EYS: variants seen among roughly 807,000 people sequenced by gnomAD.
EYS encodes protein eyes shut homolog.
EYS carries 250 observed loss-of-function variants against 282.1 expected under a neutral mutation model. The observed-to-expected ratio is 0.89, with a 90% CI of 0.80 to 0.98. The LOEUF is 0.98. Ranked by LOEUF, EYS falls within the 50% of genes least tolerant of loss-of-function variation. The pLI is 0.00. For missense variants in EYS, 4,016 were observed against 3,709.0 expected, an observed-to-expected ratio of 1.08 and a Z score of -2.15; for synonymous variants, 1,355 against 1,282.9, an observed-to-expected ratio of 1.06 and a Z score of -1.20.
At chr6:64,628,537 T>C (rs1028336663) in intron 22 of EYS, among the ~76,000 whole-genome samples, 2 of 152,128 alleles carry the variant, frequency 1.3e-5, no homozygotes, top group African/African-American at 4.8e-5. Flanking sequence ...GCCTCCCACA[T>C]AGGACTACAG....
At chr6:64,192,195 A>G (rs1765135180) in intron 31 of EYS, among the ~76,000 whole-genome samples, 1 of 147,180 alleles carries the variant, frequency 6.8e-6, no homozygotes, top group Admixed American at 6.9e-5. Context: ...TTTCTTGTAA[A>G]TTTGTTTGAG....
chr6:65,312,552 A>C (rs1769188861), intron 11 of EYS, among the ~76,000 whole-genome samples: 1 of 152,086 alleles, frequency 6.6e-6, no homozygotes, highest in Non-Finnish European at 1.5e-5. Flanking sequence ...TCCCCCACCC[A>C]TGTCTAGGGA....
intron 22 of EYS, among the ~76,000 whole-genome samples, chr6:64,753,919 T>G (rs1230784981): frequency 6.6e-6 from 1 of 152,058 alleles, no homozygotes. Context: ...TTAACCTCAG[T>G]GGAATAAAAC....
chr6:64,287,779 G>A (rs1036438642), intron 30 of EYS, among the ~76,000 whole-genome samples: 3 of 152,070 alleles, frequency 2.0e-5, no homozygotes, highest in Non-Finnish European at 4.4e-5. Context: ...ACAATAGACC[G>A]GAAAGATTAT....
At chr6:64,681,113 G>A (rs1769879269) in intron 22 of EYS, among the ~76,000 whole-genome samples, 1 of 152,148 alleles carries the variant, frequency 6.6e-6, no homozygotes, top group African/African-American at 2.4e-5. Flanking sequence ...CCTCACAAAT[G>A]ACTACTTTGG....
At chr6:65,490,422 A>G (rs1463019531) in intron 5 of EYS, 172 bp downstream of exon 5, 3 of 528,910 alleles carry the variant, frequency 5.7e-6, no homozygotes, top group Non-Finnish European at 6.9e-6. Context: ...AATATGATTT[A>G]ATTGTATTAA....
At chr6:64,998,330 C>G (rs1771344853) in intron 13 of EYS, among the ~76,000 whole-genome samples, 1 of 152,152 alleles carries the variant, frequency 6.6e-6, no homozygotes, top group African/African-American at 2.4e-5. Flanking sequence ...TTGGAGCAGG[C>G]ACCAATTTAT....
intron 26 of EYS, among the ~76,000 whole-genome samples, chr6:64,537,327 G>T (rs1234884333): frequency 1.3e-5 from 2 of 151,262 alleles, no homozygotes; most frequent in African/African-American, 2.4e-5. Flanking sequence ...TCCCTACAAA[G>T]GACATGAACT....
intron 29 of EYS, among the ~76,000 whole-genome samples, chr6:64,375,232 A>C (rs1477794576): frequency 1.3e-5 from 2 of 152,190 alleles, no homozygotes; most frequent in African/African-American, 4.8e-5. Flanking sequence ...TAAGTATAAG[A>C]ATATGTATGG....
intron 5 of EYS, among the ~76,000 whole-genome samples, chr6:65,446,543 G>A (rs1768664391): frequency 6.6e-6 from 1 of 151,854 alleles, no homozygotes; most frequent in East Asian, 1.9e-4. Flanking sequence ...TGTGCTAGCT[G>A]TTAAGTTCAC....
chr6:64,593,360 A>G (rs972867720), intron 24 of EYS, 51 bp from the exon 25 acceptor site: 2 of 1,418,786 alleles, frequency 1.4e-6, no homozygotes, highest in African/African-American at 2.9e-5. Flanking sequence ...CTTTGTTCCT[A>G]AGAGAAATTG....
intron 22 of EYS, among the ~76,000 whole-genome samples, chr6:64,633,486 C>G (rs191224133): frequency 6.6e-6 from 1 of 151,820 alleles, no homozygotes; most frequent in East Asian, 1.9e-4. Flanking sequence ...TCCAAGTAAG[C>G]AGAAATGAAG....
intron 13 of EYS, among the ~76,000 whole-genome samples, chr6:65,046,405 T>C (rs895608269): frequency 6.6e-6 from 1 of 151,884 alleles, no homozygotes; most frequent in Non-Finnish European, 1.5e-5. Context: ...TTAGGGACTA[T>C]AACTTTGCCA....
At chr6:65,210,916 C>T (rs1239557696) in intron 12 of EYS, among the ~76,000 whole-genome samples, 2 of 144,218 alleles carry the variant, frequency 1.4e-5, no homozygotes, top group Non-Finnish European at 3.0e-5. Flanking sequence ...TTTAATTTAC[C>T]TATAAAGTCG....
chr6:64,997,260 TAAGACTCACA>T (rs1332216416), intron 14 of EYS, among the ~76,000 whole-genome samples: 27 of 152,172 alleles, frequency 1.8e-4, no homozygotes, highest in Non-Finnish European at 2.9e-5. Flanking sequence ...AGGTGGCCGT[TAAGACTCACA>T]CAGTGCCTTT....
chr6:64,925,740 G>A (rs1270023396), intron 15 of EYS, among the ~76,000 whole-genome samples: 1 of 152,070 alleles, frequency 6.6e-6, no homozygotes, highest in African/African-American at 2.4e-5. Flanking sequence ...AAGTTCTCAG[G>A]TTCCCAGGTG....
intron 8 of EYS, among the ~76,000 whole-genome samples, chr6:65,371,155 G>A (rs1428239540): frequency 2.0e-5 from 3 of 151,798 alleles, no homozygotes; most frequent in Non-Finnish European, 2.9e-5. Context: ...GCCTCTGTAT[G>A]AAACACACAG....
chr6:65,375,955 A>G (rs9351491), intron 8 of EYS, among the ~76,000 whole-genome samples: 30,804 of 152,046 alleles, frequency 0.2, 3,907 homozygotes, highest in Non-Finnish European at 0.27. Flanking sequence ...AAAACACTTC[A>G]GGATATTATC....
At chr6:63,739,218 G>C (rs1582159014) in intron 41 of EYS, among the ~76,000 whole-genome samples, 1 of 152,210 alleles carries the variant, frequency 6.6e-6, no homozygotes, top group East Asian at 1.9e-4. Flanking sequence ...TCCTGTCTCA[G>C]GTTATTTTTC....
Sources: gnomAD v4.1 joint callset for allele counts (sites outside exome capture counted in the v4.1 genomes callset) on GRCh38, gnomAD v4.1.1 for gene constraint, MANE v1.5 for transcripts, NCBI Gene and HGNC (gene_info 2026-07-23, HGNC 2026-07-21) for gene names.